The following ATP10A variants were observed in gnomAD, a reference collection of about 807,000 sequenced individuals.
The protein encoded by ATP10A is phospholipid-transporting ATPase VA.
ATP10A carries 111 observed loss-of-function variants against 147.8 expected under a neutral mutation model. That is an observed-to-expected ratio of 0.75 (90% CI 0.64 to 0.88). The LOEUF is 0.88. Among genes scored for constraint, ATP10A ranks in the 40% least tolerant of loss-of-function variants. The pLI is 0.00. For synonymous variants in ATP10A, 875 were observed against 841.6 expected (o/e 1.04, Z -0.69); for missense variants, 1,927 against 1,959.0 (o/e 0.98, Z 0.31).
chr15:25,775,573 C>T (rs910672760), intron 2 of ATP10A, among the ~76,000 whole-genome samples: 23 of 152,316 alleles, frequency 1.5e-4, no homozygotes, highest in Middle Eastern at 3.4e-3. Context: ...ATTTGGAACA[C>T]GCACCACTGT....
At chr15:25,805,404 T>A (rs1891136842) in intron 1 of ATP10A, among the ~76,000 whole-genome samples, 2 of 152,248 alleles carry the variant, frequency 1.3e-5, no homozygotes, top group Non-Finnish European at 2.9e-5. Flanking sequence ...ATTTTTTCAA[T>A]GGCAGCACTT....
At chr15:25,694,695 G>C (rs1900214549) in intron 14 of ATP10A, 124 bp downstream of exon 14, 1 of 882,794 alleles carries the variant, frequency 1.1e-6, no homozygotes, top group East Asian at 2.7e-5. Flanking sequence ...ATCACACTGG[G>C]TGTGATTTTA....
In ATP10A at chr15:25,781,051, G is replaced by A. The variant is rs763246380; in HGVS notation, c.622C>T (p.Arg208Trp). The A allele has an allele frequency of 2.9e-5, 47 of 1,614,018 alleles. No homozygotes were observed. The highest frequency in any genetic ancestry group is 1.6e-4 in the Middle Eastern group (1 of 6,066). The change falls in exon 2 of 21, where the codon CGG (arginine) becomes TGG (tryptophan). Residue 208 changes from arginine to tryptophan, a missense_variant. Transcript: ENST00000555815. ...GAGAAGCCGCGGACCACCTGCCGCC[G>A]CTTCAGGTTGGTCTCTCCATCCAGG... ...ANLDGETNLK[R>W]RQVVRGFSEL...
chr15:25,790,876 T>G (rs1020877381), intron 1 of ATP10A, among the ~76,000 whole-genome samples: 11 of 152,270 alleles, frequency 7.2e-5, no homozygotes, highest in African/African-American at 2.6e-4. Context: ...AGGTAATTTC[T>G]TATGCATTAA....
At chr15:25,766,706 C>T (rs565057316) in intron 2 of ATP10A, among the ~76,000 whole-genome samples, 2 of 152,148 alleles carry the variant, frequency 1.3e-5, no homozygotes, top group African/African-American at 4.8e-5. Flanking sequence ...CCAACCCAGC[C>T]GCTTCCATCC....
chr15:25,768,796 T>C (rs1889173085), intron 2 of ATP10A, among the ~76,000 whole-genome samples: 1 of 150,406 alleles, frequency 6.6e-6, no homozygotes, highest in African/African-American at 2.4e-5. Context: ...CCCAAAGTGC[T>C]GGGATTCCAG....
intron 10 of ATP10A, among the ~76,000 whole-genome samples, chr15:25,712,071 G>A (rs1036799409): frequency 1.3e-5 from 2 of 152,190 alleles, no homozygotes; most frequent in African/African-American, 4.8e-5. Context: ...TATCCACTCT[G>A]GGAAGGTACC....
chr15:25,845,514 G>A (rs1350022854), intron 1 of ATP10A, among the ~76,000 whole-genome samples: 1 of 152,166 alleles, frequency 6.6e-6, no homozygotes, highest in African/African-American at 2.4e-5. Flanking sequence ...GAAGTGTCAA[G>A]GTTGAGAGAA....
chr15:25,807,298 C>A (rs1891230617), intron 1 of ATP10A, among the ~76,000 whole-genome samples: 1 of 152,216 alleles, frequency 6.6e-6, no homozygotes, highest in Non-Finnish European at 1.5e-5. Context: ...CCCCACCAGC[C>A]CAGGGGCCTT....
At chr15:25,830,514 C>T (rs537716849) in intron 1 of ATP10A, among the ~76,000 whole-genome samples, 9 of 152,284 alleles carry the variant, frequency 5.9e-5, no homozygotes, top group Non-Finnish European at 8.8e-5. Flanking sequence ...AAGAAAACCA[C>T]GCCACAAGTT....
chr15:25,676,431 G>A (rs1899137541), downstream of ATP10A, among the ~76,000 whole-genome samples: 1 of 152,204 alleles, frequency 6.6e-6, no homozygotes, highest in Non-Finnish European at 1.5e-5. Flanking sequence ...AGCACTTGCA[G>A]CCATGCACAC....
chr15:25,676,667 C>G (rs902006806), downstream of ATP10A, among the ~76,000 whole-genome samples: 2 of 152,032 alleles, frequency 1.3e-5, no homozygotes, highest in African/African-American at 4.8e-5. Flanking sequence ...CCTGAGAAGG[C>G]CTTTTTATCA....
At chr15:25,741,051 C>T (rs530702534) in intron 2 of ATP10A, among the ~76,000 whole-genome samples, 16 of 152,306 alleles carry the variant, frequency 1.1e-4, no homozygotes, top group Admixed American at 8.5e-4. Context: ...GCCTTCCTGA[C>T]GGCCCCCTGG....
intron 3 of ATP10A, among the ~76,000 whole-genome samples, chr15:25,730,887 T>C (rs944739843): frequency 1.3e-5 from 2 of 152,244 alleles, no homozygotes; most frequent in African/African-American, 4.8e-5. Flanking sequence ...TTTTAAGATA[T>C]AAATATGTCA....
chr15:25,734,719 G>T (rs988574805), intron 3 of ATP10A, among the ~76,000 whole-genome samples: 6 of 152,172 alleles, frequency 3.9e-5, no homozygotes, highest in African/African-American at 1.4e-4. Context: ...TATTTAAGGG[G>T]TGATTTAATG....
intron 8 of ATP10A, 88 bp downstream of exon 8, chr15:25,718,094 T>C (rs1411067419): frequency 7.2e-7 from 1 of 1,390,272 alleles, no homozygotes; most frequent in Non-Finnish European, 9.9e-7. Context: ...ATTTGTAGGA[T>C]TAAATATAGA....
At chr15:25,698,226 A>G (rs1224073829) in intron 13 of ATP10A, among the ~76,000 whole-genome samples, 2 of 152,214 alleles carry the variant, frequency 1.3e-5, no homozygotes, top group Non-Finnish European at 2.9e-5. Flanking sequence ...TAAATTATGT[A>G]TGGCATACAT....
intron 8 of ATP10A, among the ~76,000 whole-genome samples, chr15:25,717,342 T>C (rs1901884405): frequency 6.6e-6 from 1 of 152,242 alleles, no homozygotes; most frequent in Non-Finnish European, 1.5e-5. Context: ...TATCACTGGA[T>C]ATTTAAATTT....
At chr15:25,702,153 T>C in intron 12 of ATP10A, 53 bp from the exon 13 acceptor site, 1 of 1,533,650 alleles carries the variant, frequency 6.5e-7, no homozygotes, top group Non-Finnish European at 8.9e-7. Context: ...TGCCCCCCAA[T>C]CCTTCTGGGG....
Sources: allele counts gnomAD v4.1 joint callset (sites outside exome capture counted in the v4.1 genomes callset), GRCh38; gene constraint gnomAD v4.1.1; transcripts MANE v1.5; gene names NCBI Gene and HGNC (gene_info 2026-07-23, HGNC 2026-07-21).